Variants in MUC22 observed in about 807,000 individuals in gnomAD.
MUC22 encodes mucin-22.
A neutral mutation model predicts 40.3 loss-of-function variants in MUC22; 24 were observed. The observed-to-expected ratio is 0.60, with a 90% CI of 0.43 to 0.84. The LOEUF is 0.84. Ranked by LOEUF, MUC22 falls within the 40% of genes least tolerant of loss-of-function variation. MUC22 has a pLI of 0.00. For synonymous variants in MUC22, 765 were observed against 844.5 expected (o/e 0.91, Z 1.63); for missense variants, 1,926 against 2,130.7 (o/e 0.90, Z 1.89).
In MUC22 at chr6:31,032,141, T is replaced by C; in HGVS notation, c.4670-55T>C. On this transcript the variant is annotated intron_variant, in intron 2 of 3. Coordinates refer to ENST00000561890, the Ensembl canonical transcript of MUC22. This position sits in a 1 kb window ranked among gnomAD's most constrained non-coding sequence, Gnocchi z 4.1. ...CCTCCTCTGGTCTAAGCACCCCCAT[T>C]CCCCTTTAATCATCTCTGCTACAAA... 6.7e-7 allele frequency: 1 copy of C among 1,486,728 alleles called. No individual in the cohort carries two copies. Among genetic ancestry groups the C allele is most frequent in the Non-Finnish European group, 8.9e-7 (1 of 1,121,464 alleles). 92.1% of individuals were successfully genotyped at this position (1,486,728 alleles called of 1,614,324 possible). A position where few individuals can be genotyped will look rare whatever the true frequency, so the allele number is the denominator to read the frequency against.
rs9394025 is a variant in MUC22 at position 31,011,702 on chromosome 6, C to T, written c.70+926C>T. 0.11 allele frequency among the ~76,000 whole-genome samples: 17,173 copies of T among 152,028 alleles called. 1,254 individuals are homozygous for T. Among genetic ancestry groups the T allele is most frequent in the East Asian group, 0.33 (1,694 of 5,166 alleles). On this transcript the variant is annotated intron_variant, in intron 1 of 3. Transcript: ENST00000561890. This position sits in a 1 kb window ranked among gnomAD's most constrained non-coding sequence, Gnocchi z 4.5. ...GACTTCTTTTCCTCTGGGTAGATAC[C>T]CAGTAGTGGGATTACTGGATCAAAT... is the stretch of plus-strand genomic sequence containing the variant.
intron 1 of MUC22, among the ~76,000 whole-genome samples, chr6:31,021,924 A>G (rs975641401): frequency 2.0e-5 from 3 of 151,918 alleles, no homozygotes; most frequent in African/African-American, 4.8e-5. Context: ...TTGGGTCTAC[A>G]CTGTTTTTAT....
chr6:31,020,575 C>G (rs1444300961), intron 1 of MUC22, among the ~76,000 whole-genome samples: 3 of 151,954 alleles, frequency 2.0e-5, no homozygotes, highest in East Asian at 3.9e-4. Context: ...CCTCAGAGCC[C>G]TCGCTTGCTC....
chr6:31,034,960 A>G (rs939358900), exon 4 of MUC22: 29 of 1,527,738 alleles, frequency 1.9e-5, no homozygotes, highest in Non-Finnish European at 2.5e-5. Context: ...AGTGGATCAC[A>G]GAGGGAGCCA....
intron 1 of MUC22, among the ~76,000 whole-genome samples, chr6:31,024,691 G>A (rs928979994): frequency 6.6e-6 from 1 of 152,122 alleles, no homozygotes; most frequent in South Asian, 2.1e-4. Flanking sequence ...CTGCTTCAGA[G>A]ATTATGGTTA....
exon 2 of MUC22, chr6:31,029,855 C>T: frequency 1.3e-6 from 2 of 1,534,268 alleles, no homozygotes; most frequent in Non-Finnish European, 1.7e-6. Context: ...GGTTCTGAGA[C>T]CTCCACACCC....
Position 31,032,246 on chromosome 6 carries a change from G to T in MUC22, c.4720G>T (p.Ala1574Ser). Residue 1574 changes from alanine (A) to serine (S), a missense_variant, in exon 3 of 4, where the codon GCC (alanine) becomes TCC (serine). Physicochemically the swap from Ala to Ser is moderately conservative, Grantham distance 99 (BLOSUM62 1). This residue lies in a region of MUC22 where 610 missense variants were observed against 714.6 expected (regional missense o/e 0.85). Coordinates refer to ENST00000561890, the Ensembl canonical transcript of MUC22. The surrounding 1 kb of genome is among the most constrained non-coding windows in gnomAD (Gnocchi z 4.1). Reference sequence around the variant, plus strand: ...CACTGCCTCCAGCTCTGTCACCATGGCCCCTGGAATGGACTTCACGGCCTC... The same window carrying T: ...CACTGCCTCCAGCTCTGTCACCATGTCCCCTGGAATGGACTTCACGGCCTC... The T allele has an allele frequency of 6.5e-7, 1 of 1,535,600 alleles. No individual in the cohort carries two copies. Among genetic ancestry groups the T allele is most frequent in the Non-Finnish European group, 8.7e-7 (1 of 1,146,870 alleles).
rs1279785338 is a variant in MUC22, at chr6:31,032,438, G to C, written c.4912G>C (p.Gly1638Arg). 4 of 1,535,674 alleles carry C rather than the reference G, an allele frequency of 2.6e-6. No homozygotes were observed. In the East Asian group the frequency reaches 9.8e-5, roughly 38 times the overall value. The change falls in exon 3 of 4, where the codon GGC (glycine) becomes CGC (arginine). Residue 1638 changes from glycine to arginine, a missense_variant. Gly to Arg is a moderately radical substitution (Grantham distance 125). Around this residue, in one of 3 missense-constraint regions of MUC22, gnomAD observed 610 missense variants for 714.6 expected, o/e 0.85. Transcript: ENST00000561890. This position sits in a 1 kb window ranked among gnomAD's most constrained non-coding sequence, Gnocchi z 4.1. ...CCAGGAAACAGGCCCGGTGTCCATG[G>C]GCACAAACACAGTTAGCATGAGCCA...
exon 2 of MUC22, chr6:31,027,587 C>T: frequency 2.6e-6 from 4 of 1,527,046 alleles, no homozygotes; most frequent in East Asian, 2.5e-5. Flanking sequence ...ACTACAGTCA[C>T]TACCGCAGGC....
intron 1 of MUC22, among the ~76,000 whole-genome samples, chr6:31,020,441 CTT>C (rs3084519): frequency 0.011 from 1,358 of 126,688 alleles, 13 homozygotes; most frequent in South Asian, 0.062. Context: ...TGGAAATTGA[CTT>C]TTTTTTTTTT....
exon 2 of MUC22, chr6:31,028,767 C>T (rs1765695748): frequency 1.3e-6 from 2 of 1,532,558 alleles, no homozygotes; most frequent in Non-Finnish European, 1.7e-6. Flanking sequence ...CTACTGAAGG[C>T]TCTGAGACCA....
intron 1 of MUC22, among the ~76,000 whole-genome samples, chr6:31,021,910 C>T (rs939859561): frequency 1.3e-5 from 2 of 152,096 alleles, no homozygotes; most frequent in Non-Finnish European, 2.9e-5. Context: ...CTACTGCTCA[C>T]TTTTTGGGTC....
chr6:31,020,441 CTTTTTT>C (rs3084519), intron 1 of MUC22, among the ~76,000 whole-genome samples: 1 of 126,710 alleles, frequency 7.9e-6, no homozygotes, highest in Non-Finnish European at 1.6e-5. Context: ...TGGAAATTGA[CTTTTTT>C]TTTTTTTTTT....
chr6:31,026,881 T>A, exon 2 of MUC22: 1 of 1,496,446 alleles, frequency 6.7e-7, no homozygotes, highest in Non-Finnish European at 8.9e-7. Context: ...CACCATGGGC[T>A]CTGAGACCAC....
chr6:31,025,417 T>C, intron 1 of MUC22, 85 bp from the exon 2 acceptor site: 1 of 1,353,306 alleles, frequency 7.4e-7, no homozygotes, highest in African/African-American at 1.5e-5. Flanking sequence ...TAAGAAGTAC[T>C]GAGTATATGT....
chr6:31,023,700 C>G (rs1562596292), intron 1 of MUC22, among the ~76,000 whole-genome samples: 1 of 151,852 alleles, frequency 6.6e-6, no homozygotes, highest in Non-Finnish European at 1.5e-5. Flanking sequence ...ACTATAACTA[C>G]AAATAGGGTA....
In MUC22 at chr6:31,025,674, G is replaced by T; in HGVS notation, c.243G>T (p.Met81Ile). ...CTGAGACAACCTCAGCCTCCACCATGGCTTCTACTGCAGCCTTCACCACAG... is the reference window on the plus strand; with the variant it reads ...CTGAGACAACCTCAGCCTCCACCATTGCTTCTACTGCAGCCTTCACCACAG... Residue 81 changes from methionine to isoleucine, a missense_variant, in exon 2 of 4, where the codon ATG becomes ATT. This residue lies in a region of MUC22 where 1,281 missense variants were observed against 1,337.8 expected (regional missense o/e 0.96). Transcript: ENST00000561890. The T allele has an allele frequency of 2.6e-6, 4 of 1,530,004 alleles. No individual in the cohort carries two copies. The South Asian group carries it at 4.8e-5, about 18-fold the overall frequency. The allele number at this position is 1,530,004 out of a possible 1,614,324, so 94.8% of individuals were successfully genotyped here.
chr6:31,006,860 T>A (rs143115947), upstream of MUC22, among the ~76,000 whole-genome samples: 225 of 152,142 alleles, frequency 1.5e-3, 2 homozygotes, highest in Admixed American at 3.3e-3. Context: ...TTCAAAAGGA[T>A]AATGGAAGCT....
chr6:31,027,473 C>T (rs1240438537), exon 2 of MUC22: 1 of 1,531,896 alleles, frequency 6.5e-7, no homozygotes, highest in Non-Finnish European at 8.7e-7. Flanking sequence ...GTCTCCACCA[C>T]AGTCTTTGAG....
Sources: gnomAD v4.1 joint callset for allele counts (sites outside exome capture counted in the v4.1 genomes callset) on GRCh38, gnomAD v4.1.1 for gene constraint, gnomAD v4.1.1 regional missense constraint, Gnocchi (gnomAD v3.1) non-coding constraint, MANE v1.5 for transcripts, NCBI Gene and HGNC (gene_info 2026-07-23, HGNC 2026-07-21) for gene names.